TTLL12: variants seen among roughly 807,000 people sequenced by gnomAD.
TTLL12 encodes tubulin tyrosine ligase like 12, also known as tubulin--tyrosine ligase-like protein 12.
A neutral mutation model predicts 79.6 loss-of-function variants in TTLL12; 77 were observed. That is an observed-to-expected ratio of 0.97 (90% CI 0.81 to 1.17). TTLL12 has a LOEUF of 1.17. Ranked by LOEUF, TTLL12 falls within the 50% of genes most tolerant of loss-of-function variation. TTLL12 has a pLI of 0.00. For synonymous variants in TTLL12, 437 were observed against 376.1 expected, an observed-to-expected ratio of 1.16 and a Z score of -1.87; for missense variants, 969 against 895.9, an observed-to-expected ratio of 1.08 and a Z score of -1.04.
chr22:43,175,784 C>T (rs1931890539), intron 6 of TTLL12: 1 of 151,708 alleles, frequency 6.6e-6, no homozygotes, highest in Non-Finnish European at 1.5e-5. Flanking sequence ...ATTCTTCTTC[C>T]TCCTTGGCCT....
chr22:43,185,843 C>T, intron 1 of TTLL12: 1 of 562,842 alleles, frequency 1.8e-6, no homozygotes. Context: ...ATGAACAAAC[C>T]AAGGTCCCTT....
chr22:43,169,144 C>A (rs1283249684), intron 12 of TTLL12, among the ~76,000 whole-genome samples: 1 of 152,240 alleles, frequency 6.6e-6, no homozygotes, highest in African/African-American at 2.4e-5. Flanking sequence ...TTGCTCCCCA[C>A]TGCCCCAAGG....
At chr22:43,185,451 A>C (rs1932160846) in intron 1 of TTLL12, among the ~76,000 whole-genome samples, 1 of 151,884 alleles carries the variant, frequency 6.6e-6, no homozygotes, top group Non-Finnish European at 1.5e-5. Flanking sequence ...TAGCAGCAGG[A>C]GGCTTCACTC....
intron 5 of TTLL12, 23 bp from the exon 6 acceptor site, chr22:43,176,419 T>G (rs781594055): frequency 6.3e-7 from 1 of 1,589,152 alleles, no homozygotes; most frequent in Non-Finnish European, 8.6e-7. Flanking sequence ...ACACCGGAAG[T>G]AGAGATGAGG....
chr22:43,179,593 G>A, intron 5 of TTLL12, 26 bp downstream of exon 5: 2 of 1,551,780 alleles, frequency 1.3e-6, no homozygotes, highest in Non-Finnish European at 8.7e-7. Context: ...AAGCAGACAG[G>A]CCTGGTGGGT....
intron 1 of TTLL12, among the ~76,000 whole-genome samples, chr22:43,185,014 G>C (rs1015176396): frequency 4.6e-5 from 7 of 151,962 alleles, no homozygotes; most frequent in Non-Finnish European, 1.0e-4. Context: ...CGGATCACGA[G>C]GTCAGGAATT....
chr22:43,184,020 T>C lies in TTLL12; in HGVS notation c.178-871A>G, dbSNP rs114855359. 4.0e-3 allele frequency among the ~76,000 whole-genome samples: 605 copies of C among 152,354 alleles called. 5 individuals carry two copies. The highest frequency in any genetic ancestry group is 0.014 in the African/African-American group (577 of 41,588). Reference sequence around the variant, plus strand: ...GGATTAGGTGATTCATACCCAGAACTCAGAGTGGAGCCTGGCCACAGCAAA... The same window carrying C: ...GGATTAGGTGATTCATACCCAGAACCCAGAGTGGAGCCTGGCCACAGCAAA... On this transcript the variant is annotated intron_variant, in intron 1 of 13. Coordinates refer to ENST00000216129, the MANE Select transcript of TTLL12 (RefSeq NM_015140.4).
Position 43,168,060 on chromosome 22 carries a change from C to T in TTLL12, c.1883G>A (p.Ser628Asn), listed in dbSNP as rs1236070179. 1 of 1,614,136 alleles carries T rather than the reference C, an allele frequency of 6.2e-7. No homozygotes were observed. Among genetic ancestry groups the T allele is most frequent in the Admixed American group, 1.7e-5 (1 of 60,016 alleles). Reference sequence around the variant, plus strand: ...ACCGGGCTGGTCCAGAAACAAGGTGCTGAAGACGTCGTTGAAGAAGGTGGG... The same window carrying T: ...ACCGGGCTGGTCCAGAAACAAGGTGTTGAAGACGTCGTTGAAGAAGGTGGG... ...YHPTFFNDVF[S>N]TLFLDQPGGC... is the part of the protein sequence containing the mutation. The change falls in exon 14 of 14, where the codon AGC (serine) becomes AAC (asparagine). Residue 628 changes from serine (S) to asparagine (N), a missense_variant. Ser to Asn is a conservative substitution (Grantham distance 46, BLOSUM62 1). Coordinates refer to ENST00000216129, the MANE Select transcript of TTLL12 (RefSeq NM_015140.4).
In TTLL12 at chr22:43,172,528, G is replaced by A. The variant is rs199949209; in HGVS notation, c.1368C>T (p.Pro456=). 1.2e-5 allele frequency: 19 copies of A among 1,614,086 alleles called. No homozygotes were observed. The highest frequency in any genetic ancestry group is 6.7e-5 in the Admixed American group (4 of 60,018). The change falls in exon 10 of 14, where the codon CCC becomes CCT. Residue 456 remains proline (P), a synonymous_variant. Coordinates refer to ENST00000216129, the MANE Select transcript of TTLL12 (RefSeq NM_015140.4). ...CCACGTCTTCTCGAAGGAACAACACGGGACTTTCGATGTACTTGGACACAA... is the reference window on the plus strand; with the variant it reads ...CCACGTCTTCTCGAAGGAACAACACAGGACTTTCGATGTACTTGGACACAA... ...PKVVSKYIES[P]VLFLREDVGK...
rs111519078 is a variant in TTLL12 at position 43,174,217 on chromosome 22, C to T, written c.1221G>A (p.Arg407=). 4.2e-4 allele frequency: 675 copies of T among 1,602,522 alleles called. 4 individuals are homozygous for T. In the African/African-American group the frequency reaches 7.9e-3, roughly 19 times the overall value. The change falls in exon 8 of 14, where the codon CGG becomes CGA. Residue 407 remains arginine, a synonymous_variant. Coordinates refer to ENST00000216129, the MANE Select transcript of TTLL12 (RefSeq NM_015140.4). ...CCGTGTCTGGGACTTACCACCTTTC[C>T]CGCTGCTGGAAGTAGCTGACAAACT... is the stretch of plus-strand genomic sequence containing the variant. ...LPQFVSYFQQ[R]ERWGEDNHWI...
intron 11 of TTLL12, among the ~76,000 whole-genome samples, chr22:43,170,686 G>A (rs983968957): frequency 5.9e-5 from 9 of 152,182 alleles, no homozygotes; most frequent in African/African-American, 2.4e-5. Context: ...TGAGGCAGGC[G>A]GAGCGCTTGA....
intron 2 of TTLL12, among the ~76,000 whole-genome samples, chr22:43,182,440 A>T (rs1932082678): frequency 6.6e-6 from 1 of 152,042 alleles, no homozygotes; most frequent in Non-Finnish European, 1.5e-5. Context: ...GGTCCACAAA[A>T]CCTTTGGCAG....
Position 43,180,959 on chromosome 22 carries a change from A to G in TTLL12, c.348-19T>C, listed in dbSNP as rs747957117. On this transcript the variant is annotated intron_variant, in intron 2 of 13. Coordinates refer to ENST00000216129, the MANE Select transcript of TTLL12 (RefSeq NM_015140.4). ...GAAGATGCTGCGGGCACAGGCCACA[A>G]TGTGAGGCTGCCGGGTGGGCATGGG... The G allele has an allele frequency of 2.6e-5, 41 of 1,603,588 alleles. No individual in the cohort carries two copies. The Admixed American group carries it at 3.7e-4, about 14-fold the overall frequency.
chr22:43,183,043 T>C lies in TTLL12; in HGVS notation c.284A>G (p.Asn95Ser), dbSNP rs13058467. ...EVRKQQPNPG[N>S]ELCYKVIVTR... ...CACGATGACCTTGTAGCACAGCTCG[T>C]TCCCCGGGTTGGGCTGCTGCTTCCG... The change falls in exon 2 of 14, where the codon AAC becomes AGC. Residue 95 changes from asparagine (N) to serine (S), a missense_variant. Coordinates refer to ENST00000216129, the MANE Select transcript of TTLL12 (RefSeq NM_015140.4). 0.098 allele frequency: 157,726 copies of C among 1,613,948 alleles called. 8,588 individuals carry two copies. The highest frequency in any genetic ancestry group is 0.11 in the Non-Finnish European group (129,100 of 1,179,966).
At chr22:43,182,627 C>T (rs1466785703) in intron 2 of TTLL12, among the ~76,000 whole-genome samples, 2 of 152,168 alleles carry the variant, frequency 1.3e-5, no homozygotes, top group East Asian at 3.8e-4. Context: ...TTTAGCAGGA[C>T]CAGAGAGGGG....
At position 43,171,663 on chromosome 22, in the gene TTLL12, G is replaced by A. The variant is rs1190157830; in HGVS notation, c.1575+156C>T. 13 of 603,092 alleles carry A rather than the reference G, an allele frequency of 2.2e-5. No homozygotes were observed. The Admixed American group carries it at 3.1e-4, about 14-fold the overall frequency. 37.4% of individuals were successfully genotyped at this position (603,092 alleles called of 1,614,324 possible). The stretch of plus-strand genomic sequence containing the variant: ...ACAGAACCCAGCCTGGCTCATGATG[G>A]CAGCGCTAACAATCGCCTTCCATAG... On this transcript the variant is annotated intron_variant, in intron 11 of 13. Transcript: ENST00000216129.
chr22:43,178,408 G>A (rs1288687312), intron 5 of TTLL12, among the ~76,000 whole-genome samples: 9 of 151,020 alleles, frequency 6.0e-5, no homozygotes, highest in Admixed American at 4.6e-4. Flanking sequence ...TGCAAGCTCC[G>A]CCTCCTGGGT....
rs537818717 is a variant in TTLL12 at position 43,182,893 on chromosome 22, G to A, written c.347+87C>T. 367 of 1,505,952 alleles carry A rather than the reference G, an allele frequency of 2.4e-4. 2 individuals are homozygous for A. The South Asian group carries it at 4.4e-3, about 18-fold the overall frequency. 93.3% of individuals were successfully genotyped at this position (1,505,952 alleles called of 1,614,324 possible). A position where few individuals can be genotyped will look rare whatever the true frequency, so the allele number is the denominator to read the frequency against. On this transcript the variant is annotated intron_variant, in intron 2 of 13. Coordinates refer to ENST00000216129, the MANE Select transcript of TTLL12 (RefSeq NM_015140.4). ...GTCCTAAGGAAGATGTCCAGCGGCG[G>A]TGCAGGGCCCAGGAGAATCTGCATT...
chr22:43,178,950 G>A (rs1931982429), intron 5 of TTLL12, among the ~76,000 whole-genome samples: 1 of 152,172 alleles, frequency 6.6e-6, no homozygotes. Flanking sequence ...GCAGCAGATG[G>A]GAGAGGAGGG....
Sources: gnomAD v4.1 joint callset for allele counts (sites outside exome capture counted in the v4.1 genomes callset) on GRCh38, gnomAD v4.1.1 for gene constraint, MANE v1.5 for transcripts, NCBI Gene and HGNC (gene_info 2026-07-23, HGNC 2026-07-21) for gene names.